Variants in CELSR1 observed in about 807,000 individuals in gnomAD.
CELSR1 encodes adhesion G protein-coupled receptor C1.
Under a neutral mutation model 249.1 loss-of-function variants are expected in CELSR1, and 110 were observed. That is an observed-to-expected ratio of 0.44 (90% confidence interval 0.38 to 0.52). The LOEUF (loss-of-function observed/expected upper bound fraction) is 0.52. Among genes scored for constraint, CELSR1 ranks in the 20% least tolerant of loss-of-function variants. The pLI, the probability that CELSR1 is intolerant of heterozygous loss-of-function variation, is 0.00. For synonymous variants in CELSR1, 2,113 were observed against 1,900.0 expected (o/e 1.11, Z -2.92); for missense variants, 4,109 against 4,296.4 (o/e 0.96, Z 1.22).
chr22:46,457,554 CTGTGA>C (rs1447004353), intron 2 of CELSR1, among the ~76,000 whole-genome samples: 1 of 152,194 alleles, frequency 6.6e-6, no homozygotes, highest in Non-Finnish European at 1.5e-5. Context: ...CCCGCCTTTC[CTGTGA>C]TATCAGAGCT....
At chr22:46,382,233 C>A (rs990631583) in intron 20 of CELSR1, among the ~76,000 whole-genome samples, 183 bp from the exon 21 acceptor site, 3 of 152,220 alleles carry the variant, frequency 2.0e-5, no homozygotes. Flanking sequence ...TCTGGGTATA[C>A]ACCCCAAGGA....
intron 3 of CELSR1, among the ~76,000 whole-genome samples, chr22:46,438,966 T>C (rs1029009048): frequency 1.1e-4 from 16 of 152,242 alleles, no homozygotes; most frequent in South Asian, 4.2e-4. Flanking sequence ...CCATGTTGAC[T>C]AGGCTGGTCT....
At chr22:46,520,274 C>T (rs1177531264) in intron 1 of CELSR1, among the ~76,000 whole-genome samples, 3 of 152,200 alleles carry the variant, frequency 2.0e-5, no homozygotes, top group African/African-American at 4.8e-5. Context: ...TGGATGGCCT[C>T]GAACCCCAGG....
At chr22:46,503,996 C>T (rs369343362) in intron 1 of CELSR1, among the ~76,000 whole-genome samples, 26 of 152,214 alleles carry the variant, frequency 1.7e-4, no homozygotes, top group South Asian at 1.5e-3. Context: ...CAGTACCATG[C>T]ACTCCGGCCT....
chr22:46,484,553 G>GT lies in CELSR1; in HGVS notation c.3545-20209dup, dbSNP rs2080296462. Among the ~76,000 whole-genome samples the GT allele has an allele frequency of 6.6e-6, 1 of 150,972 alleles. No homozygotes were observed. The highest frequency in any genetic ancestry group is 2.4e-5 in the African/African-American group (1 of 41,162). ...ACCCCTGATAGGGTTAGTGCCTCAA[G>GT]TTAGAGCTGGGGGCAGCCCGGGACA... On this transcript the variant is annotated intron_variant, in intron 1 of 34. Coordinates refer to ENST00000674500, the MANE Select transcript of CELSR1 (RefSeq NM_001378328.1). The surrounding 1 kb of genome is among the most constrained non-coding windows in gnomAD (Gnocchi z 4.5).
At chr22:46,513,158 G>C (rs2080590895) in intron 1 of CELSR1, among the ~76,000 whole-genome samples, 1 of 152,164 alleles carries the variant, frequency 6.6e-6, no homozygotes. Context: ...CAATACACCT[G>C]GGGACTAGGC....
In CELSR1 at chr22:46,461,747, T is replaced by C. The variant is rs190312471; in HGVS notation, c.4183+1960A>G. On this transcript the variant is annotated intron_variant, in intron 2 of 34. Transcript: ENST00000674500. ...TAAAGATGGCGTCCTTGCCAACTCT[T>C]GGGAGCGTAACAGGCCCCTTTCCAG... Among the ~76,000 whole-genome samples the C allele has an allele frequency of 2.9e-3, 445 of 152,346 alleles. 1 individual carries two copies. Among genetic ancestry groups the C allele is most frequent in the Middle Eastern group, 6.8e-3 (2 of 294 alleles).
Position 46,427,097 on chromosome 22 carries a change from A to G in CELSR1, c.4611+6296T>C, listed in dbSNP as rs1468097994. 6.6e-6 allele frequency among the ~76,000 whole-genome samples: 1 copy of G among 152,150 alleles called. No individual in the cohort carries two copies. Among genetic ancestry groups the G allele is most frequent in the African/African-American group, 2.4e-5 (1 of 41,422 alleles). On this transcript the variant is annotated intron_variant, in intron 5 of 34. Transcript: ENST00000674500. This position sits in a 1 kb window ranked among gnomAD's most constrained non-coding sequence, Gnocchi z 4.2. Reference sequence around the variant, plus strand: ...AAAGATCAATATGAAGTGTGTGTGCATGTATATATGTACACACACACACAC... The same window carrying G: ...AAAGATCAATATGAAGTGTGTGTGCGTGTATATATGTACACACACACACAC...
intron 4 of CELSR1, among the ~76,000 whole-genome samples, chr22:46,435,832 C>T (rs746835495): frequency 1.1e-4 from 16 of 152,156 alleles, no homozygotes; most frequent in African/African-American, 1.2e-4. Flanking sequence ...TCCTGAGTAG[C>T]GGAGATTACA....
chr22:46,366,564 G>GT (rs1555903799), intron 29 of CELSR1, 84 bp from the exon 30 acceptor site: 2 of 1,110,304 alleles, frequency 1.8e-6, no homozygotes, highest in Non-Finnish European at 2.7e-6. Flanking sequence ...CCCACGGCAA[G>GT]CCCCCCACAC....
In CELSR1 at chr22:46,393,901, A is replaced by T. The variant is rs986299544; in HGVS notation, c.5964+241T>A. On this transcript the variant is annotated intron_variant, in intron 14 of 34. Coordinates refer to ENST00000674500, the MANE Select transcript of CELSR1 (RefSeq NM_001378328.1). The surrounding 1 kb of genome is among the most constrained non-coding windows in gnomAD (Gnocchi z 4.1). ...TCCTGTTCCACGGGCGGGGGCTGGC[A>T]GGGCTGAACCCGTAGTTTACACGTG... is the stretch of plus-strand genomic sequence containing the variant. Among the ~76,000 whole-genome samples the T allele has an allele frequency of 1.3e-5, 2 of 152,206 alleles. No homozygotes were observed. The highest frequency in any genetic ancestry group is 4.8e-5 in the African/African-American group (2 of 41,452).
Position 46,468,814 on chromosome 22 carries a change from G to A in CELSR1, c.3545-4469C>T, listed in dbSNP as rs2080124793. On this transcript the variant is annotated intron_variant, in intron 1 of 34. Coordinates refer to ENST00000674500, the MANE Select transcript of CELSR1 (RefSeq NM_001378328.1). This position sits in a 1 kb window ranked among gnomAD's most constrained non-coding sequence, Gnocchi z 4.5. ...TAATAGGCCAGTCTCAGTGGCTCAC[G>A]TCTGAAATCCCAGCACTTTGGGAGG... Among the ~76,000 whole-genome samples, 1 of 152,074 alleles carries A rather than the reference G, an allele frequency of 6.6e-6. No homozygotes were observed. The highest frequency in any genetic ancestry group is 2.4e-5 in the African/African-American group (1 of 41,408).
Position 46,409,834 on chromosome 22 carries a change from A to G in CELSR1, c.4980T>C (p.Asn1660=), listed in dbSNP as rs2079311404. The change falls in exon 8 of 35, where the codon AAT becomes AAC. Residue 1660 remains asparagine, a synonymous_variant. Transcript: ENST00000674500. The surrounding 1 kb of genome is among the most constrained non-coding windows in gnomAD (Gnocchi z 9.8). The part of the protein sequence containing the change: ...RNFCDGRRCQ[N]GGTCVNRWNM... The stretch of plus-strand genomic sequence containing the variant: ...TCCACCTGTTGACACAGGTGCCTCC[A>G]TTCTGACACCGCCTCCCATCGCAGA... 1 of 1,613,812 alleles carries G rather than the reference A, an allele frequency of 6.2e-7. No individual in the cohort carries two copies.
chr22:46,403,392 C>CA (rs61497637), intron 9 of CELSR1, among the ~76,000 whole-genome samples: 5,738 of 116,166 alleles, frequency 0.049, 304 homozygotes, highest in African/African-American at 0.13. Flanking sequence ...ACTAAAAATA[C>CA]AAAAAAAAAA....
In CELSR1 at chr22:46,448,919, G is replaced by A. The variant is rs1262314452; in HGVS notation, c.4184-9508C>T. Among the ~76,000 whole-genome samples the A allele has an allele frequency of 6.6e-6, 1 of 152,184 alleles. No individual in the cohort carries two copies. The highest frequency in any genetic ancestry group is 1.9e-4 in the East Asian group (1 of 5,196). ...AGAAAGCACACAGATAGGAGGCCAA[G>A]AGGGGAACGTTACAGGGTTTCTAAG... On this transcript the variant is annotated intron_variant, in intron 2 of 34. Transcript: ENST00000674500. The surrounding 1 kb of genome is among the most constrained non-coding windows in gnomAD (Gnocchi z 5.7).
rs922941734 is a variant in CELSR1 at position 46,506,155 on chromosome 22, G to A, written c.3544+27472C>T. Among the ~76,000 whole-genome samples, 7 of 146,966 alleles carry A rather than the reference G, an allele frequency of 4.8e-5. No individual in the cohort carries two copies. Among genetic ancestry groups the A allele is most frequent in the African/African-American group, 1.8e-4 (7 of 38,818 alleles). The stretch of plus-strand genomic sequence containing the variant: ...GATCACACCATTGCAGTCCAGCCTG[G>A]GCGACAGAGACTGTCTCCAAAAAAA... On this transcript the variant is annotated intron_variant, in intron 1 of 34. Transcript: ENST00000674500. The surrounding 1 kb of genome is among the most constrained non-coding windows in gnomAD (Gnocchi z 4.1).
chr22:46,403,906 G>A (rs1445618379), intron 9 of CELSR1, among the ~76,000 whole-genome samples: 1 of 148,942 alleles, frequency 6.7e-6, no homozygotes, highest in Admixed American at 6.7e-5. Context: ...CCGGGAGGTG[G>A]AGGCTGCAGT....
chr22:46,505,298 T>C (rs2080504967), intron 1 of CELSR1, among the ~76,000 whole-genome samples: 2 of 141,120 alleles, frequency 1.4e-5, no homozygotes, highest in South Asian at 4.9e-4. Flanking sequence ...AGGCAGGTCT[T>C]CATTTGCTAG....
Position 46,380,701 on chromosome 22 carries a change from G to T in CELSR1, c.7256+87C>A. 1 of 1,466,652 alleles carries T rather than the reference G, an allele frequency of 6.8e-7. No individual in the cohort carries two copies. Among genetic ancestry groups the T allele is most frequent in the Non-Finnish European group, 9.3e-7 (1 of 1,076,848 alleles). 90.9% of individuals were successfully genotyped at this position (1,466,652 alleles called of 1,614,324 possible). A position where few individuals can be genotyped will look rare whatever the true frequency, so the allele number is the denominator to read the frequency against. On this transcript the variant is annotated intron_variant, in intron 22 of 34. Coordinates refer to ENST00000674500, the MANE Select transcript of CELSR1 (RefSeq NM_001378328.1). This position sits in a 1 kb window ranked among gnomAD's most constrained non-coding sequence, Gnocchi z 5.1. ...ACAGACCACAAGAGACCGTCCTCTT[G>T]GGGCGCTCTGCCACTGAGCCCCCGA...
Sources: gnomAD v4.1 joint callset for allele counts (sites outside exome capture counted in the v4.1 genomes callset) on GRCh38, gnomAD v4.1.1 for gene constraint, Gnocchi (gnomAD v3.1) non-coding constraint, MANE v1.5 for transcripts, NCBI Gene and HGNC (gene_info 2026-07-23, HGNC 2026-07-21) for gene names.